The following PHF20 variants were observed in gnomAD, a reference collection of about 807,000 sequenced individuals.
The protein encoded by PHF20 is glioma-expressed antigen 2.
Under a neutral mutation model 113.5 loss-of-function variants are expected in PHF20, and 23 were observed. The ratio of observed to expected loss-of-function variants is 0.20; its 90% CI spans 0.15 to 0.29. PHF20 has a LOEUF of 0.29. Ranked by LOEUF, PHF20 falls within the 10% of genes least tolerant of loss-of-function variation. The pLI is 1.00. For missense variants in PHF20, 943 were observed against 1,219.6 expected (o/e 0.77, Z 3.38); for synonymous variants, 434 against 457.3 (o/e 0.95, Z 0.65).
At chr20:35,827,879 T>C (rs1227434832) in intron 2 of PHF20, among the ~76,000 whole-genome samples, 1 of 152,078 alleles carries the variant, frequency 6.6e-6, no homozygotes. Context: ...TCATTCTCTT[T>C]GAGGCTCCAT....
chr20:35,931,250 T>C lies in PHF20; in HGVS notation c.2106T>C (p.Gly702=). The C allele has an allele frequency of 5.0e-6, 8 of 1,609,160 alleles. No homozygotes were observed. Among genetic ancestry groups the C allele is most frequent in the Non-Finnish European group, 6.0e-6 (7 of 1,176,316 alleles). The change falls in exon 15 of 18, where the codon GGT becomes GGC. Residue 702 remains glycine (G), a splice_region_variant and synonymous_variant. Coordinates refer to ENST00000374012, the MANE Select transcript of PHF20 (RefSeq NM_016436.5). ...ACCCTCTTGTTGTCACTGCTGTAGG[T>C]CAGAGGCCTGGCTTCAAGTACTGGT... The part of the protein sequence containing the change: ...YTCYVCQDPP[G]QRPGFKYWYD...
intron 1 of PHF20, among the ~76,000 whole-genome samples, chr20:35,795,525 C>G (rs978833467): frequency 6.6e-6 from 1 of 152,158 alleles, no homozygotes; most frequent in African/African-American, 2.4e-5. Context: ...GTGTGAGCCA[C>G]TGCGCCCAGC....
At chr20:35,796,348 A>G (rs1275247625) in intron 1 of PHF20, among the ~76,000 whole-genome samples, 2 of 152,132 alleles carry the variant, frequency 1.3e-5, no homozygotes, top group African/African-American at 2.4e-5. Context: ...TTTTTAATGG[A>G]TGAACTACAT....
At chr20:35,882,215 T>C (rs2054648485) in intron 9 of PHF20, among the ~76,000 whole-genome samples, 1 of 152,154 alleles carries the variant, frequency 6.6e-6, no homozygotes, top group African/African-American at 2.4e-5. Context: ...TACCCAAACT[T>C]TTATATACCA....
intron 2 of PHF20, among the ~76,000 whole-genome samples, chr20:35,829,618 A>AT (rs1221664625): frequency 6.7e-6 from 1 of 149,578 alleles, no homozygotes; most frequent in Admixed American, 6.7e-5. Flanking sequence ...AAGTGCTGGG[A>AT]TTACAGGCAT....
intron 9 of PHF20, among the ~76,000 whole-genome samples, chr20:35,895,681 CTTTTTTTTTTT>C (rs762279629): frequency 1.7e-5 from 2 of 116,802 alleles, no homozygotes; most frequent in African/African-American, 3.5e-5. Flanking sequence ...TTTGCTTCTC[CTTTTTTTTTTT>C]TTTTTTTTTT....
intron 14 of PHF20, among the ~76,000 whole-genome samples, chr20:35,929,727 G>A (rs538842313): frequency 1.0e-3 from 154 of 152,258 alleles, no homozygotes; most frequent in East Asian, 4.1e-3. Flanking sequence ...GAACTTCTAC[G>A]ACTTTAATCG....
intron 2 of PHF20, among the ~76,000 whole-genome samples, chr20:35,836,975 G>C (rs1318764716): frequency 6.6e-6 from 1 of 152,010 alleles, no homozygotes; most frequent in Non-Finnish European, 1.5e-5. Context: ...TTTGAGACCA[G>C]CCTGAGCAAC....
chr20:35,810,090 C>T (rs1272195917), intron 2 of PHF20, among the ~76,000 whole-genome samples: 2 of 152,056 alleles, frequency 1.3e-5, no homozygotes, highest in Non-Finnish European at 2.9e-5. Context: ...CCACCACACC[C>T]AGCTAATTTT....
intron 12 of PHF20, among the ~76,000 whole-genome samples, chr20:35,914,510 G>A (rs73618545): frequency 0.011 from 1,602 of 152,160 alleles, 18 homozygotes; most frequent in East Asian, 0.039. Context: ...TGGACAAGTG[G>A]GATTGCATCA....
Position 35,899,365 on chromosome 20 carries a change from T to G in PHF20, c.1283-5T>G. The G allele has an allele frequency of 6.3e-7, 1 of 1,593,930 alleles. No homozygotes were observed. The highest frequency in any genetic ancestry group is 8.6e-7 in the Non-Finnish European group (1 of 1,169,558). On this transcript the variant is annotated splice_region_variant and splice_polypyrimidine_tract_variant and intron_variant, in intron 9 of 17. Coordinates refer to ENST00000374012, the MANE Select transcript of PHF20 (RefSeq NM_016436.5). The stretch of plus-strand genomic sequence containing the variant: ...AACCTTTGCTTTTGTTTTTATTTTT[T>G]TCAGTAACAAATACTTTTAAGAAAA...
At chr20:35,866,472 A>C (rs941143742) in intron 6 of PHF20, among the ~76,000 whole-genome samples, 1 of 152,158 alleles carries the variant, frequency 6.6e-6, no homozygotes, top group African/African-American at 2.4e-5. Flanking sequence ...AAAATCTGGA[A>C]GTTTTAAACC....
At position 35,801,493 on chromosome 20, in the gene PHF20, G is replaced by A; in HGVS notation, c.-30G>A. The A allele has an allele frequency of 1.9e-6, 3 of 1,541,724 alleles. No homozygotes were observed. Among genetic ancestry groups the A allele is most frequent in the Non-Finnish European group, 2.7e-6 (3 of 1,116,666 alleles). ...AAATATTTAATTGGCTTTTTCAGGA[G>A]AATAAAGGCAGCCCCGTTGATGACT... On this transcript the variant is annotated splice_region_variant and 5_prime_UTR_variant, in exon 2 of 18. Transcript: ENST00000374012.
chr20:35,893,319 T>G (rs183746308), intron 9 of PHF20, among the ~76,000 whole-genome samples: 126 of 152,336 alleles, frequency 8.3e-4, no homozygotes, highest in Non-Finnish European at 1.4e-3. Flanking sequence ...ATGACTTTTT[T>G]TTTTTTTTGA....
intron 15 of PHF20, among the ~76,000 whole-genome samples, chr20:35,936,014 A>G (rs779208321): frequency 2.0e-5 from 3 of 152,214 alleles, no homozygotes; most frequent in Non-Finnish European, 2.9e-5. Flanking sequence ...TACCTTCTTC[A>G]TGACTGACAG....
intron 14 of PHF20, 118 bp downstream of exon 14, chr20:35,927,997 C>T: frequency 2.7e-6 from 2 of 734,588 alleles, no homozygotes; most frequent in Non-Finnish European, 4.8e-6. Context: ...ATCGGCTAGA[C>T]TCCAGCTCCT....
chr20:35,869,293 TTAAG>T (rs2146985929), intron 6 of PHF20, 141 bp from the exon 7 acceptor site: 2 of 476,684 alleles, frequency 4.2e-6, no homozygotes, highest in Admixed American at 4.0e-5. Context: ...TTCTTTTATC[TTAAG>T]TAAGAATGCC....
intron 4 of PHF20, among the ~76,000 whole-genome samples, chr20:35,850,421 G>A (rs921285997): frequency 6.9e-6 from 1 of 145,022 alleles, no homozygotes; most frequent in Non-Finnish European, 1.5e-5. Context: ...CAATTCTCCT[G>A]CCTCAGCCTC....
In PHF20 at chr20:35,895,681, C is replaced by CTT. The variant is rs762279629; in HGVS notation, c.1283-3668_1283-3667dup. 2.3e-3 allele frequency among the ~76,000 whole-genome samples: 271 copies of CTT among 116,728 alleles called. 1 individual carries two copies. Among genetic ancestry groups the CTT allele is most frequent in the African/African-American group, 4.3e-3 (122 of 28,570 alleles). 76.6% of individuals were successfully genotyped at this position (116,728 alleles called of 152,430 possible). A position where few individuals can be genotyped will look rare whatever the true frequency, so the allele number is the denominator to read the frequency against. On this transcript the variant is annotated intron_variant, in intron 9 of 17. Coordinates refer to ENST00000374012, the MANE Select transcript of PHF20 (RefSeq NM_016436.5). ...TCACATCGTGTCACTTTTGCTTCTC[C>CTT]TTTTTTTTTTTTTTTTTTTTTTGAG...
Sources: allele counts gnomAD v4.1 joint callset (sites outside exome capture counted in the v4.1 genomes callset), GRCh38; gene constraint gnomAD v4.1.1; transcripts MANE v1.5; gene names NCBI Gene and HGNC (gene_info 2026-07-23, HGNC 2026-07-21).